DMD: variants seen among roughly 807,000 people sequenced by gnomAD.
DMD encodes mutant dystrophin.
In DMD, 63 loss-of-function variants were observed where a neutral mutation model predicts 330.1. The observed-to-expected ratio is 0.19, with a 90% CI of 0.16 to 0.24. The LOEUF (loss-of-function observed/expected upper bound fraction) is 0.24. Ranked by LOEUF, DMD falls within the 10% of genes least tolerant of loss-of-function variation. The pLI is 1.00. For synonymous variants in DMD, 1,223 were observed against 959.8 expected (o/e 1.27, Z -5.07); for missense variants, 3,344 against 2,684.1 (o/e 1.25, Z -5.43).
intron 29 of DMD, among the ~76,000 whole-genome samples, chrX:32,428,613 G>A (rs1444874706): frequency 2.7e-5 from 3 of 111,197 alleles, no homozygotes; most frequent in Non-Finnish European, 5.7e-5. Flanking sequence ...AGGTATGTAC[G>A]AGATTTTTTT....
chrX:33,261,835 A>G (rs2052961369), intron 1 of DMD, among the ~76,000 whole-genome samples: 2 of 110,625 alleles, frequency 1.8e-5, no homozygotes, highest in African/African-American at 6.6e-5. Context: ...TGGAACAGAT[A>G]TAATAAACAC....
intron 62 of DMD, among the ~76,000 whole-genome samples, chrX:31,278,330 C>G (rs2052347032): frequency 9.0e-6 from 1 of 111,508 alleles, no homozygotes; most frequent in African/African-American, 3.3e-5. Flanking sequence ...AGTTTGCAGT[C>G]TTATTCCCTG....
intron 45 of DMD, among the ~76,000 whole-genome samples, chrX:31,948,153 G>A (rs1273701067): frequency 9.0e-6 from 1 of 111,119 alleles, no homozygotes; most frequent in Non-Finnish European, 1.9e-5. Context: ...ATTTCACTTA[G>A]CATAATGCCT....
intron 2 of DMD, among the ~76,000 whole-genome samples, chrX:32,919,384 C>T (rs1245393457): frequency 8.9e-6 from 1 of 112,072 alleles, no homozygotes; most frequent in African/African-American, 3.2e-5. Flanking sequence ...GGAAGTATTA[C>T]TTTTCACTGC....
intron 65 of DMD, among the ~76,000 whole-genome samples, chrX:31,208,682 A>C (rs781482283): frequency 5.4e-5 from 6 of 111,971 alleles, no homozygotes; most frequent in Non-Finnish European, 1.1e-4. Context: ...AAAAGGCAAA[A>C]CAGTTGTTTT....
intron 44 of DMD, among the ~76,000 whole-genome samples, chrX:32,138,389 T>C (rs913815327): frequency 9.0e-6 from 1 of 111,432 alleles, no homozygotes; most frequent in Non-Finnish European, 1.9e-5. Flanking sequence ...ACCTGTCAAA[T>C]GAAAAAAATA....
intron 9 of DMD, among the ~76,000 whole-genome samples, chrX:32,668,306 T>A (rs1309604934): frequency 8.9e-6 from 1 of 112,710 alleles, no homozygotes; most frequent in Non-Finnish European, 1.9e-5. Flanking sequence ...TACACTCATA[T>A]GTCCCTATGC....
At chrX:31,887,994 T>C (rs758257944) in intron 47 of DMD, among the ~76,000 whole-genome samples, 8 of 112,193 alleles carry the variant, frequency 7.1e-5, no homozygotes, top group African/African-American at 2.6e-4. Flanking sequence ...TCCTTATACA[T>C]GACATTTCCA....
At chrX:33,309,382 T>C (rs1287773537) in intron 1 of DMD, among the ~76,000 whole-genome samples, 1 of 111,370 alleles carries the variant, frequency 9.0e-6, no homozygotes, top group Non-Finnish European at 1.9e-5. Context: ...CCCAGTCAGC[T>C]TTGACAAATT....
rs1005596518 is a variant in DMD, at chrX:31,444,773, C to T, written c.8938-146G>A. 10 of 655,954 alleles carry T rather than the reference C, an allele frequency of 1.5e-5. No homozygotes were observed. In the Admixed American group the frequency reaches 2.9e-4, roughly 19 times the overall value. 54.1% of individuals were successfully genotyped at this position (655,954 alleles called of 1,213,427 possible). On this transcript the variant is annotated intron_variant, in intron 59 of 78. Transcript: ENST00000357033. The stretch of plus-strand genomic sequence containing the variant: ...GAATGTTTGTGTCCCCCCTCAAATT[C>T]CTATGTTGAAATCCTAAAAAATAAA...
chrX:32,696,728 T>A (rs1257803830), intron 9 of DMD, among the ~76,000 whole-genome samples: 1 of 110,957 alleles, frequency 9.0e-6, no homozygotes, highest in Non-Finnish European at 1.9e-5. Context: ...TGTATGCTCC[T>A]TAATCTTAGG....
At chrX:33,308,190 A>G (rs2053793156) in intron 1 of DMD, among the ~76,000 whole-genome samples, 1 of 111,887 alleles carries the variant, frequency 8.9e-6, no homozygotes. Context: ...ACATTGTTCT[A>G]AAGGCTAAGA....
At chrX:32,317,157 A>G (rs900407409) in intron 41 of DMD, among the ~76,000 whole-genome samples, 2 of 111,515 alleles carry the variant, frequency 1.8e-5, no homozygotes, top group African/African-American at 3.3e-5. Flanking sequence ...ATGCATCATT[A>G]GCAAGGAAAT....
chrX:32,178,382 G>C (rs2096913545), intron 44 of DMD, among the ~76,000 whole-genome samples: 1 of 108,582 alleles, frequency 9.2e-6, no homozygotes, highest in Non-Finnish European at 1.9e-5. Context: ...AAGATGCATA[G>C]ATATTTATAT....
chrX:31,275,155 T>TTGTGTGTG (rs59068818), intron 62 of DMD, among the ~76,000 whole-genome samples: 4 of 96,441 alleles, frequency 4.1e-5, no homozygotes, highest in East Asian at 3.3e-4. Flanking sequence ...AAATCAGGTT[T>TTGTGTGTG]TGTGTGTGTG....
chrX:31,506,723 T>C (rs978070475), intron 56 of DMD, among the ~76,000 whole-genome samples: 7 of 112,154 alleles, frequency 6.2e-5, no homozygotes, highest in African/African-American at 1.9e-4. Flanking sequence ...AAAAGCTTAG[T>C]TTACAGAGGA....
At chrX:33,153,352 G>A (rs1036759993) in intron 1 of DMD, among the ~76,000 whole-genome samples, 3 of 112,563 alleles carry the variant, frequency 2.7e-5, no homozygotes, top group Non-Finnish European at 5.6e-5. Context: ...TGGAGGTTGC[G>A]GAGAGCCGAG....
At chrX:32,460,651 T>A (rs897406563) in intron 25 of DMD, among the ~76,000 whole-genome samples, 4 of 110,997 alleles carry the variant, frequency 3.6e-5, no homozygotes, top group African/African-American at 1.3e-4. Flanking sequence ...TTGCCTCAGA[T>A]GTTTTCTCCA....
intron 2 of DMD, among the ~76,000 whole-genome samples, chrX:32,969,027 C>CCAAAAAAAAAAAAAAAAA (rs2092280100): frequency 1.0e-4 from 2 of 19,813 alleles, no homozygotes; most frequent in African/African-American, 3.1e-4. Context: ...GATTCTGTCT[C>CCAAAAAAAAAAAAAAAAA]AAAAAAAAAA....
Sources: allele counts gnomAD v4.1 joint callset (sites outside exome capture counted in the v4.1 genomes callset), GRCh38; gene constraint gnomAD v4.1.1; transcripts MANE v1.5; gene names NCBI Gene and HGNC (gene_info 2026-07-23, HGNC 2026-07-21).